GPC3: variants seen among roughly 807,000 people sequenced by gnomAD.
The protein encoded by GPC3 is glypican 3.
Under a neutral mutation model 34.4 loss-of-function variants are expected in GPC3, and 3 were observed. The ratio of observed to expected loss-of-function variants is 0.09; its 90% confidence interval spans 0.04 to 0.23. GPC3 has a LOEUF of 0.23. Ranked by LOEUF, GPC3 falls within the 10% of genes least tolerant of loss-of-function variation. The pLI is 1.00. For missense variants in GPC3, 351 were observed against 445.6 expected (o/e 0.79, Z 1.91); for synonymous variants, 177 against 174.0 (o/e 1.02, Z -0.13).
At chrX:133,570,173 G>C (rs957442485) in intron 7 of GPC3, among the ~76,000 whole-genome samples, 49 of 110,248 alleles carry the variant, frequency 4.4e-4, no homozygotes, top group African/African-American at 1.5e-3. Flanking sequence ...TTACAGGCTT[G>C]AGCCACCGCG....
intron 6 of GPC3, among the ~76,000 whole-genome samples, chrX:133,610,379 AG>A (rs1406252422): frequency 9.0e-6 from 1 of 110,856 alleles, no homozygotes; most frequent in African/African-American, 3.3e-5. Context: ...GGAAGGGAAA[AG>A]GACAGCTTAT....
At chrX:133,969,293 C>A (rs919188367) in intron 1 of GPC3, among the ~76,000 whole-genome samples, 10 of 111,128 alleles carry the variant, frequency 9.0e-5, no homozygotes, top group Non-Finnish European at 1.9e-4. Context: ...AATTTCAAAC[C>A]ACCCTGCTTA....
At chrX:133,769,295 T>C (rs2071888085) in intron 2 of GPC3, among the ~76,000 whole-genome samples, 1 of 112,160 alleles carries the variant, frequency 8.9e-6, no homozygotes, top group Middle Eastern at 4.6e-3. Flanking sequence ...CAAGATGAAG[T>C]CCTAGAGATT....
At chrX:133,561,405 G>A (rs1415744150) in intron 7 of GPC3, among the ~76,000 whole-genome samples, 1 of 112,000 alleles carries the variant, frequency 8.9e-6, no homozygotes, top group African/African-American at 3.2e-5. Context: ...CACAAACTTT[G>A]TCCACTAAAA....
Position 133,743,782 on chromosome X carries a change from T to C in GPC3, c.1032+9700A>G, listed in dbSNP as rs369610482. ...GTTACTGTAGCCTTGTAGTATATAG[T>C]TTGAAGTCAGGCAGTGTGATGCCAA... On this transcript the variant is annotated intron_variant, in intron 3 of 7. Coordinates refer to ENST00000370818, the MANE Select transcript of GPC3 (RefSeq NM_004484.4). Among the ~76,000 whole-genome samples the C allele has an allele frequency of 1.8e-4, 20 of 112,109 alleles. 1 individual carries two copies. The highest frequency in any genetic ancestry group is 5.8e-4 in the African/African-American group (18 of 30,869).
chrX:133,892,791 G>A (rs2076094107), intron 2 of GPC3, among the ~76,000 whole-genome samples: 1 of 110,599 alleles, frequency 9.0e-6, no homozygotes, highest in African/African-American at 3.3e-5. Context: ...CCACACAACC[G>A]GCTAGTCAGG....
intron 2 of GPC3, among the ~76,000 whole-genome samples, chrX:133,860,317 C>T (rs2075930203): frequency 1.8e-5 from 2 of 110,882 alleles, no homozygotes; most frequent in African/African-American, 6.6e-5. Context: ...CTCAGTATTC[C>T]CACTTCGAAA....
chrX:133,924,201 T>C (rs2076265661), intron 2 of GPC3, among the ~76,000 whole-genome samples: 1 of 111,661 alleles, frequency 9.0e-6, no homozygotes, highest in South Asian at 3.8e-4. Context: ...TTTTAGAAAA[T>C]GCTCAACACT....
At chrX:133,879,041 C>T (rs901009980) in intron 2 of GPC3, among the ~76,000 whole-genome samples, 2 of 110,761 alleles carry the variant, frequency 1.8e-5, no homozygotes, top group Admixed American at 1.9e-4. Flanking sequence ...TATAGGGAAT[C>T]GAGATATAAA....
chrX:133,628,586 G>A (rs760681534), intron 6 of GPC3, among the ~76,000 whole-genome samples: 3 of 109,089 alleles, frequency 2.8e-5, no homozygotes, highest in African/African-American at 1.0e-4. Context: ...AACCCGGGAG[G>A]TGGAGGTTGC....
At chrX:133,897,205 C>CTTT (rs760491025) in intron 2 of GPC3, among the ~76,000 whole-genome samples, 3 of 82,650 alleles carry the variant, frequency 3.6e-5, no homozygotes, top group African/African-American at 5.1e-5. Flanking sequence ...CGTGCCCGGC[C>CTTT]TTTTTTTTTT....
chrX:133,976,494 G>A (rs1036324820), intron 1 of GPC3, among the ~76,000 whole-genome samples: 10 of 111,893 alleles, frequency 8.9e-5, no homozygotes, highest in African/African-American at 1.9e-4. Flanking sequence ...AATAGAAATC[G>A]TTCTATACAT....
chrX:133,638,694 G>T (rs1375118580), intron 6 of GPC3, among the ~76,000 whole-genome samples: 2 of 110,825 alleles, frequency 1.8e-5, no homozygotes, highest in Middle Eastern at 4.2e-3. Context: ...GTGGTTCACA[G>T]GGAATGATAC....
intron 2 of GPC3, among the ~76,000 whole-genome samples, chrX:133,927,674 C>T (rs761705667): frequency 5.5e-5 from 6 of 108,770 alleles, no homozygotes; most frequent in Non-Finnish European, 9.5e-5. Context: ...GACAGGGTCT[C>T]GCCATGTTGC....
chrX:133,821,744 T>C (rs1003942791), intron 2 of GPC3, among the ~76,000 whole-genome samples: 2 of 112,069 alleles, frequency 1.8e-5, no homozygotes, highest in African/African-American at 6.5e-5. Flanking sequence ...CATTTGTTGC[T>C]TGGTGATAAA....
intron 6 of GPC3, among the ~76,000 whole-genome samples, chrX:133,633,273 T>C (rs377448910): frequency 8.9e-6 from 1 of 112,434 alleles, no homozygotes; most frequent in East Asian, 2.8e-4. Flanking sequence ...AATCAGAATA[T>C]GCCATCTCAT....
chrX:133,792,862 C>T lies in GPC3; in HGVS notation c.338-38686G>A, dbSNP rs767329188. ...CCATCTGTTCTTGCCAGAGCCAAGACGGACTCCATGGCCAGCTGCCAGAAT... is the reference window on the plus strand; with the variant it reads ...CCATCTGTTCTTGCCAGAGCCAAGATGGACTCCATGGCCAGCTGCCAGAAT... On this transcript the variant is annotated intron_variant, in intron 2 of 7. Coordinates refer to ENST00000370818, the MANE Select transcript of GPC3 (RefSeq NM_004484.4). Among the ~76,000 whole-genome samples, 6 of 111,544 alleles carry T rather than the reference C, an allele frequency of 5.4e-5. No homozygotes were observed. In the South Asian group the frequency reaches 2.3e-3, roughly 43 times the overall value.
At chrX:133,567,820 G>A (rs1181142991) in intron 7 of GPC3, among the ~76,000 whole-genome samples, 1 of 111,935 alleles carries the variant, frequency 8.9e-6, no homozygotes, top group East Asian at 2.8e-4. Flanking sequence ...CTTTACCAGA[G>A]GGGCAGTTTA....
intron 6 of GPC3, among the ~76,000 whole-genome samples, chrX:133,634,265 T>C (rs1310797941): frequency 1.8e-5 from 2 of 111,901 alleles, no homozygotes; most frequent in Non-Finnish European, 3.8e-5. Flanking sequence ...AAAAATAGTT[T>C]AGCAGTTTCT....
Sources: allele counts gnomAD v4.1 joint callset (sites outside exome capture counted in the v4.1 genomes callset), GRCh38; gene constraint gnomAD v4.1.1; transcripts MANE v1.5; gene names NCBI Gene and HGNC (gene_info 2026-07-23, HGNC 2026-07-21).